The following LIMK2 variants were observed in gnomAD, a reference collection of about 807,000 sequenced individuals.
LIMK2 encodes LIM domain kinase 2.
A neutral mutation model predicts 75.7 loss-of-function variants in LIMK2; 35 were observed. The ratio of observed to expected loss-of-function variants is 0.46; its 90% CI spans 0.35 to 0.61. LIMK2 has a LOEUF of 0.61. Among genes scored for constraint, LIMK2 ranks in the 20% least tolerant of loss-of-function variants. The probability of loss-of-function intolerance (pLI) is 0.00; values close to 1 mark genes in which losing one functional copy is unlikely to be tolerated. For synonymous variants in LIMK2, 301 were observed against 319.2 expected (o/e 0.94, Z 0.61); for missense variants, 623 against 831.0 (o/e 0.75, Z 3.08).
At chr22:31,245,670 C>T (rs1601417856) in intron 2 of LIMK2, among the ~76,000 whole-genome samples, 3 of 152,136 alleles carry the variant, frequency 2.0e-5, no homozygotes, top group East Asian at 1.9e-4. Context: ...AAACTTCTGG[C>T]TTCAAGCAGT....
intron 2 of LIMK2, among the ~76,000 whole-genome samples, chr22:31,255,052 C>T (rs2048763949): frequency 6.6e-6 from 1 of 152,112 alleles, no homozygotes; most frequent in South Asian, 2.1e-4. Flanking sequence ...AAGGGGCTAG[C>T]CCAAGATCAC....
intron 2 of LIMK2, among the ~76,000 whole-genome samples, chr22:31,251,012 T>G (rs887722086): frequency 6.6e-6 from 1 of 152,128 alleles, no homozygotes; most frequent in Non-Finnish European, 1.5e-5. Flanking sequence ...AGCAAGGGAA[T>G]GAAGAATACA....
chr22:31,273,444 TC>T lies in LIMK2; in HGVS notation c.1559-4del, dbSNP rs745352936. The T allele has an allele frequency of 1.2e-6, 2 of 1,612,714 alleles. No homozygotes were observed. Among genetic ancestry groups the T allele is most frequent in the South Asian group, 1.1e-5 (1 of 91,046 alleles). ...AACTTAACAGTGTGCTCTCCTGTGT[TC>T]CCCAAGGAAAGAGCTATGATGAGAC... On this transcript the variant is annotated splice_region_variant and splice_polypyrimidine_tract_variant and intron_variant, in intron 13 of 15. Coordinates refer to ENST00000331728, the MANE Select transcript of LIMK2 (RefSeq NM_005569.4).
At chr22:31,214,765 T>C (rs1037282794) in intron 1 of LIMK2, among the ~76,000 whole-genome samples, 5 of 152,150 alleles carry the variant, frequency 3.3e-5, no homozygotes, top group Admixed American at 3.3e-4. Context: ...CTTTGAGCCT[T>C]GGAGCTGGGA....
At position 31,265,929 on chromosome 22, in the gene LIMK2, T is replaced by C. The variant is rs1217046717; in HGVS notation, c.855-17T>C. Reference sequence around the variant, plus strand: ...TGAGGACTACACATCCCTACTCCCGTCTTTCCTCATCTTCAGGCGCAGTAA... The same window carrying C: ...TGAGGACTACACATCCCTACTCCCGCCTTTCCTCATCTTCAGGCGCAGTAA... On this transcript the variant is annotated splice_polypyrimidine_tract_variant and intron_variant, in intron 7 of 15. Transcript: ENST00000331728. The C allele has an allele frequency of 9.9e-6, 16 of 1,612,716 alleles. No individual in the cohort carries two copies. The Admixed American group carries it at 2.7e-4, about 27-fold the overall frequency.
At chr22:31,238,843 C>G (rs2123797660) in intron 2 of LIMK2, among the ~76,000 whole-genome samples, 1 of 152,280 alleles carries the variant, frequency 6.6e-6, no homozygotes, top group Middle Eastern at 3.4e-3. Context: ...CAGACGAGGG[C>G]TTTTTTCCTT....
At chr22:31,213,976 C>T (rs540794618) in intron 1 of LIMK2, among the ~76,000 whole-genome samples, 75 of 152,064 alleles carry the variant, frequency 4.9e-4, no homozygotes, top group South Asian at 1.9e-3. Context: ...CCACCACGCC[C>T]GGCTAATTTT....
chr22:31,274,074 G>C (rs1456341108), intron 14 of LIMK2, among the ~76,000 whole-genome samples: 1 of 151,302 alleles, frequency 6.6e-6, no homozygotes, highest in Non-Finnish European at 1.5e-5. Flanking sequence ...TGGTCGATAA[G>C]GGGCAGATGA....
At position 31,273,352 on chromosome 22, in the gene LIMK2, C is replaced by T; in HGVS notation, c.1559-100C>T. ...GTGGGGTGTCCCTACAGAACCTGTT[C>T]TAGCCCTAGTTCTTAGCTGTGGCTT... On this transcript the variant is annotated intron_variant, in intron 13 of 15. Transcript: ENST00000331728. The T allele has an allele frequency of 2.8e-6, 3 of 1,081,046 alleles. No individual in the cohort carries two copies. In the Admixed American group the frequency reaches 5.6e-5, roughly 20 times the overall value. The allele number at this position is 1,081,046 out of a possible 1,614,324, so 67.0% of individuals were successfully genotyped here.
chr22:31,254,609 T>A (rs7285716), intron 2 of LIMK2, among the ~76,000 whole-genome samples: 35,097 of 152,140 alleles, frequency 0.23, 6,209 homozygotes, highest in African/African-American at 0.49. Flanking sequence ...AGGAAGCCCC[T>A]GCTCCTACTG....
chr22:31,237,947 A>G (rs2048593170), intron 2 of LIMK2, among the ~76,000 whole-genome samples: 1 of 150,300 alleles, frequency 6.7e-6, no homozygotes, highest in African/African-American at 2.4e-5. Flanking sequence ...TCTGCTAAAA[A>G]AAAAAAAAAG....
At chr22:31,240,085 A>G (rs1482713472) in intron 2 of LIMK2, among the ~76,000 whole-genome samples, 2 of 152,190 alleles carry the variant, frequency 1.3e-5, no homozygotes, top group African/African-American at 4.8e-5. Context: ...TTCCCCCAAA[A>G]GCTAGAGTCC....
intron 2 of LIMK2, among the ~76,000 whole-genome samples, chr22:31,229,526 G>C (rs1241215251): frequency 6.6e-6 from 1 of 152,124 alleles, no homozygotes; most frequent in Non-Finnish European, 1.5e-5. Flanking sequence ...AGTAGTGCAG[G>C]CCTGCTGGGA....
intron 2 of LIMK2, among the ~76,000 whole-genome samples, chr22:31,235,343 C>T (rs1311558897): frequency 6.6e-6 from 1 of 152,158 alleles, no homozygotes; most frequent in Non-Finnish European, 1.5e-5. Context: ...CAGTTCCGGA[C>T]ATTGGGTTGT....
intron 2 of LIMK2, among the ~76,000 whole-genome samples, chr22:31,245,714 T>C (rs2048661969): frequency 6.6e-6 from 1 of 152,110 alleles, no homozygotes; most frequent in South Asian, 2.1e-4. Flanking sequence ...GCTGGGATTA[T>C]AGGCATGAGC....
At chr22:31,255,978 C>CTTTTTTTTTTTTTTTTTTTTTTTTTTT (rs567250437) in intron 2 of LIMK2, among the ~76,000 whole-genome samples, 1 of 29,682 alleles carries the variant, frequency 3.4e-5, no homozygotes, top group Non-Finnish European at 6.7e-5. Context: ...TATATTGGGT[C>CTTTTTTTTTTTTTTTTTTTTTTTTTTT]TTTTTTTTTT....
At chr22:31,255,925 T>G (rs2123828410) in intron 2 of LIMK2, among the ~76,000 whole-genome samples, 1 of 150,114 alleles carries the variant, frequency 6.7e-6, no homozygotes, top group South Asian at 2.1e-4. Context: ...GCCATTACAT[T>G]GTCATCATCT....
intron 2 of LIMK2, chr22:31,248,749 C>T: frequency 1.2e-6 from 2 of 1,614,214 alleles, no homozygotes; most frequent in Non-Finnish European, 1.7e-6. Flanking sequence ...CGGCTTACTT[C>T]ACCTCCAGAG....
chr22:31,225,780 A>G lies in LIMK2; in HGVS notation c.77A>G (p.Tyr26Cys). The change falls in exon 2 of 16, where the codon TAC becomes TGC. Residue 26 changes from tyrosine to cysteine, a missense_variant. Physicochemically the swap from Tyr to Cys is radical, Grantham distance 194. This residue lies in a region of LIMK2 where 514 missense variants were observed against 661.3 expected (regional missense o/e 0.78). Coordinates refer to ENST00000331728, the MANE Select transcript of LIMK2 (RefSeq NM_005569.4). ...CACATTGCTCCAAGCCAGATATGGTACAGGACTGTCAACGAAACCTGGCAC... is the reference window on the plus strand; with the variant it reads ...CACATTGCTCCAAGCCAGATATGGTGCAGGACTGTCAACGAAACCTGGCAC... ...GDHIAPSQIW[Y>C]RTVNETWHGS... The G allele has an allele frequency of 6.2e-7, 1 of 1,614,116 alleles. No individual in the cohort carries two copies. The highest frequency in any genetic ancestry group is 8.5e-7 in the Non-Finnish European group (1 of 1,179,972).
Sources: gnomAD v4.1 joint callset for allele counts (sites outside exome capture counted in the v4.1 genomes callset) on GRCh38, gnomAD v4.1.1 for gene constraint, gnomAD v4.1.1 regional missense constraint, MANE v1.5 for transcripts, NCBI Gene and HGNC (gene_info 2026-07-23, HGNC 2026-07-21) for gene names.